Variants in PBX3 observed in about 807,000 individuals in gnomAD.
PBX3 encodes PBX homeobox 3.
PBX3 carries 14 observed loss-of-function variants against 48.5 expected under a neutral mutation model. The observed-to-expected ratio is 0.29, with a 90% CI of 0.19 to 0.45. The LOEUF (loss-of-function observed/expected upper bound fraction) is 0.45, where lower values mean the gene tolerates loss of function less well. Ranked by LOEUF, PBX3 falls within the 20% of genes least tolerant of loss-of-function variation. The probability of loss-of-function intolerance (pLI) is 1.00; values close to 1 mark genes in which losing one functional copy is unlikely to be tolerated. For synonymous variants in PBX3, 210 were observed against 200.3 expected (o/e 1.05, Z -0.41); for missense variants, 386 against 546.7 (o/e 0.71, Z 2.93).
At chr9:125,782,477 CT>C (rs1837348563) in intron 2 of PBX3, among the ~76,000 whole-genome samples, 1 of 152,146 alleles carries the variant, frequency 6.6e-6, no homozygotes, top group African/African-American at 2.4e-5. Context: ...CCATTTTTCT[CT>C]TTTATATTAT....
chr9:125,943,352 C>CAAAAAAA lies in PBX3; in HGVS notation c.843+7786_843+7792dup, dbSNP rs60326557. Among the ~76,000 whole-genome samples, 59 of 60,876 alleles carry CAAAAAAA rather than the reference C, an allele frequency of 9.7e-4. 3 individuals are homozygous for CAAAAAAA. Among genetic ancestry groups the CAAAAAAA allele is most frequent in the Non-Finnish European group, 1.4e-3 (43 of 31,358 alleles). The allele number at this position is 60,876 out of a possible 152,430, so 39.9% of individuals were successfully genotyped here. Reference sequence around the variant, plus strand: ...CTTGGGCTGCAGAGTGAGACTGTCTCAAAAAAAAAAAAAAAAAAAAAAAAA... The same window carrying CAAAAAAA: ...CTTGGGCTGCAGAGTGAGACTGTCTCAAAAAAAAAAAAAAAAAAAAAAAAAAAAAAAA... On this transcript the variant is annotated intron_variant, in intron 5 of 8. Transcript: ENST00000373489.
At chr9:125,888,032 T>A (rs1446096679) in intron 2 of PBX3, among the ~76,000 whole-genome samples, 1 of 152,144 alleles carries the variant, frequency 6.6e-6, no homozygotes, top group Non-Finnish European at 1.5e-5. Flanking sequence ...GAATGTTGAC[T>A]TACATGATAA....
intron 3 of PBX3, among the ~76,000 whole-genome samples, chr9:125,922,471 T>C (rs933291421): frequency 6.6e-6 from 1 of 152,172 alleles, no homozygotes; most frequent in Admixed American, 6.5e-5. Context: ...TTCCCAAATA[T>C]TGCAATTAAC....
intron 2 of PBX3, among the ~76,000 whole-genome samples, chr9:125,889,435 C>G (rs1462726801): frequency 2.0e-5 from 3 of 152,186 alleles, no homozygotes; most frequent in Non-Finnish European, 4.4e-5. Context: ...CCTAAAGGAT[C>G]TAGAACGATA....
chr9:125,811,431 G>A (rs974907847), intron 2 of PBX3, among the ~76,000 whole-genome samples: 1 of 152,072 alleles, frequency 6.6e-6, no homozygotes, highest in East Asian at 1.9e-4. Flanking sequence ...CATGGGGGTG[G>A]TTCCCCCATC....
chr9:125,928,014 C>G (rs1344743547), intron 3 of PBX3, among the ~76,000 whole-genome samples: 1 of 151,980 alleles, frequency 6.6e-6, no homozygotes, highest in Non-Finnish European at 1.5e-5. Context: ...AACCCCATCT[C>G]TACTAAAATA....
intron 3 of PBX3, among the ~76,000 whole-genome samples, chr9:125,920,313 A>G (rs1290915993): frequency 6.6e-6 from 1 of 152,174 alleles, no homozygotes; most frequent in African/African-American, 2.4e-5. Flanking sequence ...CCTTGCAAAT[A>G]CTTTCTTATG....
intron 2 of PBX3, among the ~76,000 whole-genome samples, chr9:125,911,358 T>C (rs1310076266): frequency 6.6e-6 from 1 of 152,138 alleles, no homozygotes; most frequent in African/African-American, 2.4e-5. Flanking sequence ...GGGTTACACT[T>C]CTCAAACTGT....
intron 2 of PBX3, among the ~76,000 whole-genome samples, chr9:125,866,653 C>A (rs73595774): frequency 0.012 from 1,813 of 152,326 alleles, 38 homozygotes; most frequent in African/African-American, 0.041. Flanking sequence ...TTTACAGATT[C>A]ATGGTTTTTC....
At chr9:125,948,511 G>A (rs1332533215) in intron 5 of PBX3, among the ~76,000 whole-genome samples, 1 of 152,092 alleles carries the variant, frequency 6.6e-6, no homozygotes, top group African/African-American at 2.4e-5. Context: ...TTGGGTTAAT[G>A]AAGAAATCAC....
chr9:125,946,111 T>C (rs959754874), intron 5 of PBX3, among the ~76,000 whole-genome samples: 1 of 152,202 alleles, frequency 6.6e-6, no homozygotes, highest in Non-Finnish European at 1.5e-5. Flanking sequence ...CTTAAACTGC[T>C]TAGGGCTACA....
rs2118815154 is a variant in PBX3 at position 125,960,758 on chromosome 9, C to T, written c.918C>T (p.Leu306=). The T allele has an allele frequency of 6.2e-7, 1 of 1,614,228 alleles. No homozygotes were observed. Among genetic ancestry groups the T allele is most frequent in the Non-Finnish European group, 8.5e-7 (1 of 1,180,032 alleles). Residue 306 remains leucine (L), a synonymous_variant, in exon 6 of 9, where the codon CTC becomes CTT. Transcript: ENST00000373489. ...NIGKFQEEAN[L]YAAKTAVTAA... is the part of the protein sequence containing the mutation. ...GCAAGTTTCAGGAAGAAGCCAACCT[C>T]TATGCTGCAAAGACGGCCGTGACAG...
intron 2 of PBX3, among the ~76,000 whole-genome samples, chr9:125,781,858 C>T (rs1216809657): frequency 4.6e-5 from 7 of 151,268 alleles, no homozygotes; most frequent in African/African-American, 1.7e-4. Flanking sequence ...CTGAGCATTG[C>T]TTTTGCTATA....
intron 6 of PBX3, 139 bp downstream of exon 6, chr9:125,960,988 G>A (rs1342614306): frequency 3.5e-6 from 3 of 865,720 alleles, no homozygotes; most frequent in South Asian, 4.0e-5. Flanking sequence ...ATGCAGGCTT[G>A]TTCTTGAGAT....
At chr9:125,789,482 G>A (rs1462589906) in intron 2 of PBX3, among the ~76,000 whole-genome samples, 1 of 152,348 alleles carries the variant, frequency 6.6e-6, no homozygotes, top group Admixed American at 6.5e-5. Context: ...AGAGACATCA[G>A]TTCTTCCCTA....
intron 2 of PBX3, among the ~76,000 whole-genome samples, chr9:125,906,329 A>C (rs1471944144): frequency 6.6e-6 from 1 of 152,052 alleles, no homozygotes; most frequent in Non-Finnish European, 1.5e-5. Flanking sequence ...CTAGCATGCT[A>C]TTTTGAGCAG....
chr9:125,780,962 T>A (rs28750084), intron 2 of PBX3, among the ~76,000 whole-genome samples: 2 of 47,608 alleles, frequency 4.2e-5, no homozygotes, highest in African/African-American at 1.1e-4. Context: ...CAGACGGGGT[T>A]GCGGCCGGGC....
intron 2 of PBX3, among the ~76,000 whole-genome samples, chr9:125,794,166 G>A (rs1482857741): frequency 6.6e-6 from 1 of 152,188 alleles, no homozygotes; most frequent in Non-Finnish European, 1.5e-5. Context: ...AAATGCGGGA[G>A]TTGATGAGGA....
chr9:125,935,368 T>C, intron 4 of PBX3, 104 bp from the exon 5 acceptor site: 1 of 982,150 alleles, frequency 1.0e-6, no homozygotes, highest in Non-Finnish European at 1.5e-6. Context: ...CTTAAGGATG[T>C]TTAAAAAGAG....
Sources: gnomAD v4.1 joint callset for allele counts (sites outside exome capture counted in the v4.1 genomes callset) on GRCh38, gnomAD v4.1.1 for gene constraint, MANE v1.5 for transcripts, NCBI Gene and HGNC (gene_info 2026-07-23, HGNC 2026-07-21) for gene names.